The following ZNF385D variants were observed in gnomAD, a reference collection of about 807,000 sequenced individuals.
ZNF385D encodes the protein zinc finger protein 659.
Under a neutral mutation model 35.8 loss-of-function variants are expected in ZNF385D, and 15 were observed. The observed-to-expected ratio is 0.42, with a 90% CI of 0.28 to 0.64. The LOEUF (loss-of-function observed/expected upper bound fraction) is 0.64, where lower values mean the gene tolerates loss of function less well. Among genes scored for constraint, ZNF385D ranks in the 30% least tolerant of loss-of-function variants. ZNF385D has a pLI of 0.23. For synonymous variants in ZNF385D, 212 were observed against 186.8 expected, an observed-to-expected ratio of 1.13 and a Z score of -1.10; for missense variants, 474 against 494.6, an observed-to-expected ratio of 0.96 and a Z score of 0.39.
intron 3 of ZNF385D, among the ~76,000 whole-genome samples, chr3:22,102,641 T>C (rs773590016): frequency 1.9e-4 from 29 of 152,028 alleles, no homozygotes; most frequent in Non-Finnish European, 3.7e-4. Context: ...CAATAGGACA[T>C]ATTGATGACT....
At chr3:21,835,240 A>G (rs1695257954) in intron 3 of ZNF385D, among the ~76,000 whole-genome samples, 1 of 101,866 alleles carries the variant, frequency 9.8e-6, no homozygotes. Flanking sequence ...GAGGCTATGT[A>G]TAGTTTGCTT....
chr3:22,135,116 A>G (rs1332733896), intron 3 of ZNF385D, among the ~76,000 whole-genome samples: 4 of 152,186 alleles, frequency 2.6e-5, no homozygotes, highest in African/African-American at 9.6e-5. Context: ...GTCCTATTCA[A>G]CAGCATACTG....
intron 2 of ZNF385D, among the ~76,000 whole-genome samples, chr3:22,257,062 T>C (rs1482935052): frequency 6.6e-6 from 1 of 151,818 alleles, no homozygotes; most frequent in Non-Finnish European, 1.5e-5. Context: ...GAAGAAAATT[T>C]CTGGTATGCT....
chr3:21,441,672 A>G (rs1376375980), intron 4 of ZNF385D: 19 of 985,050 alleles, frequency 1.9e-5, no homozygotes, highest in Non-Finnish European at 2.3e-5. Context: ...GAAAACCTAT[A>G]GCTCTCAACT....
chr3:22,031,311 T>C (rs1697986215), intron 3 of ZNF385D, among the ~76,000 whole-genome samples: 1 of 152,108 alleles, frequency 6.6e-6, no homozygotes, highest in South Asian at 2.1e-4. Flanking sequence ...CTAGTAGAGG[T>C]TCTTCATGAG....
intron 3 of ZNF385D, among the ~76,000 whole-genome samples, chr3:21,989,015 C>A (rs993333477): frequency 6.6e-6 from 1 of 152,112 alleles, no homozygotes; most frequent in African/African-American, 2.4e-5. Context: ...CTTCGGCTCG[C>A]GCACGGTGCG....
chr3:21,955,308 G>T (rs768434943), intron 3 of ZNF385D, among the ~76,000 whole-genome samples: 39 of 152,202 alleles, frequency 2.6e-4, no homozygotes, highest in South Asian at 8.3e-4. Context: ...TTACTTTCTT[G>T]TAGGGAGTGG....
chr3:21,964,610 C>A (rs1235997315), intron 3 of ZNF385D, among the ~76,000 whole-genome samples: 1 of 150,374 alleles, frequency 6.7e-6, no homozygotes, highest in Admixed American at 6.6e-5. Context: ...CTGCCTCCGC[C>A]TCCTGAGTAA....
intron 3 of ZNF385D, among the ~76,000 whole-genome samples, chr3:21,771,259 G>A (rs1254510286): frequency 6.6e-6 from 1 of 151,044 alleles, no homozygotes; most frequent in Non-Finnish European, 1.5e-5. Context: ...AAAAACCTGA[G>A]GAAGCCTTAA....
intron 4 of ZNF385D, among the ~76,000 whole-genome samples, chr3:21,483,338 T>A (rs1351797467): frequency 6.6e-6 from 1 of 152,190 alleles, no homozygotes; most frequent in Non-Finnish European, 1.5e-5. Flanking sequence ...TACTGCTGAG[T>A]GGTATCCCAC....
At chr3:21,788,956 AC>A (rs2071810873) in intron 3 of ZNF385D, among the ~76,000 whole-genome samples, 1 of 152,226 alleles carries the variant, frequency 6.6e-6, no homozygotes, top group Admixed American at 6.5e-5. Flanking sequence ...GGACAGAAGA[AC>A]AAAAAAAGAA....
intron 2 of ZNF385D, among the ~76,000 whole-genome samples, chr3:22,325,116 A>G (rs1202960591): frequency 6.6e-6 from 1 of 152,254 alleles, no homozygotes; most frequent in African/African-American, 2.4e-5. Flanking sequence ...AATTATGTAT[A>G]TTACCACAAT....
intron 3 of ZNF385D, among the ~76,000 whole-genome samples, chr3:22,092,343 T>C (rs532507239): frequency 6.6e-6 from 1 of 152,280 alleles, no homozygotes; most frequent in East Asian, 1.9e-4. Context: ...ACAACACAGC[T>C]TGTTTCTACA....
At chr3:22,310,856 A>C (rs1249592088) in intron 2 of ZNF385D, among the ~76,000 whole-genome samples, 1 of 151,716 alleles carries the variant, frequency 6.6e-6, no homozygotes, top group Non-Finnish European at 1.5e-5. Flanking sequence ...AACTTTTTTG[A>C]TTTGTAAGTA....
intron 3 of ZNF385D, among the ~76,000 whole-genome samples, chr3:22,120,017 A>C (rs1703007397): frequency 6.7e-6 from 1 of 148,876 alleles, no homozygotes; most frequent in Non-Finnish European, 1.5e-5. Context: ...TTTGGTAGAA[A>C]CAGGATCTCA....
chr3:22,159,215 A>G (rs1355480794), intron 3 of ZNF385D, among the ~76,000 whole-genome samples: 2 of 152,060 alleles, frequency 1.3e-5, no homozygotes, highest in Non-Finnish European at 2.9e-5. Flanking sequence ...ACTTCCCTAA[A>G]CACACTCACT....
chr3:22,106,858 G>A (rs1227184251), intron 3 of ZNF385D, among the ~76,000 whole-genome samples: 1 of 152,052 alleles, frequency 6.6e-6, no homozygotes, highest in African/African-American at 2.4e-5. Flanking sequence ...CCCTTAACTT[G>A]TGATTTGGGC....
intron 3 of ZNF385D, among the ~76,000 whole-genome samples, chr3:21,883,004 T>C (rs1390509801): frequency 1.3e-5 from 2 of 152,010 alleles, no homozygotes; most frequent in African/African-American, 2.4e-5. Flanking sequence ...CAAACCCTCA[T>C]TAAAATATCA....
intron 2 of ZNF385D, among the ~76,000 whole-genome samples, chr3:22,298,552 T>TACACACAC (rs562535043): frequency 0.025 from 3,476 of 141,268 alleles, 71 homozygotes; most frequent in Non-Finnish European, 0.033. Context: ...TTTATGTATA[T>TACACACAC]ACACACATAC....
Sources: allele counts gnomAD v4.1 joint callset (sites outside exome capture counted in the v4.1 genomes callset), GRCh38; gene constraint gnomAD v4.1.1; transcripts MANE v1.5; gene names NCBI Gene and HGNC (gene_info 2026-07-23, HGNC 2026-07-21).